The following GGNBP2 variants were observed in gnomAD, a reference collection of about 807,000 sequenced individuals.
GGNBP2 encodes gametogenetin-binding protein 2.
A neutral mutation model predicts 85.9 loss-of-function variants in GGNBP2; 10 were observed. The observed-to-expected ratio is 0.12, with a 90% CI of 0.07 to 0.20. The LOEUF (loss-of-function observed/expected upper bound fraction) is 0.20, where lower values mean the gene tolerates loss of function less well. GGNBP2 is among the 10% of genes least tolerant of loss of function. The pLI is 1.00. For synonymous variants in GGNBP2, 287 were observed against 285.7 expected (o/e 1.00, Z -0.05); for missense variants, 595 against 857.8 (o/e 0.69, Z 3.83).
chr17:36,550,580 ATT>A (rs2074299370), intron 2 of GGNBP2, among the ~76,000 whole-genome samples: 1 of 152,210 alleles, frequency 6.6e-6, no homozygotes, highest in African/African-American at 2.4e-5. Context: ...AACTTAGTAT[ATT>A]GTTGGTTAGA....
chr17:36,570,106 G>C (rs2074508234), intron 6 of GGNBP2, among the ~76,000 whole-genome samples: 1 of 152,128 alleles, frequency 6.6e-6, no homozygotes, highest in Non-Finnish European at 1.5e-5. Context: ...GGCTGGGCAT[G>C]GTGGCTCACA....
intron 4 of GGNBP2, among the ~76,000 whole-genome samples, chr17:36,558,694 G>C (rs147911432): frequency 6.6e-6 from 1 of 151,466 alleles, no homozygotes; most frequent in East Asian, 2.0e-4. Flanking sequence ...GACCTCAGGC[G>C]ATCTGCCCGC....
chr17:36,586,898 C>A, intron 12 of GGNBP2, 99 bp from the exon 13 acceptor site: 1 of 1,199,066 alleles, frequency 8.3e-7, no homozygotes, highest in South Asian at 1.6e-5. Context: ...AGATTGTAGG[C>A]ATGAGCCACC....
At chr17:36,575,764 A>G (rs2074575063) in intron 6 of GGNBP2, among the ~76,000 whole-genome samples, 1 of 148,534 alleles carries the variant, frequency 6.7e-6, no homozygotes, top group Admixed American at 6.7e-5. Context: ...CTCCTGCCTC[A>G]GCCTCCTGAG....
intron 2 of GGNBP2, chr17:36,546,935 CAATT>C (rs1229824964): frequency 1.3e-5 from 2 of 152,070 alleles, no homozygotes; most frequent in East Asian, 1.9e-4. Flanking sequence ...TTGCCAGTCT[CAATT>C]AAGACTTGAT....
chr17:36,546,345 T>C (rs1018478906), intron 2 of GGNBP2: 1 of 178,280 alleles, frequency 5.6e-6, no homozygotes, highest in Non-Finnish European at 1.2e-5. Context: ...GTAAATAGTC[T>C]CGTATTGCCT....
intron 6 of GGNBP2, among the ~76,000 whole-genome samples, chr17:36,572,011 A>G (rs2074530195): frequency 6.6e-6 from 1 of 151,952 alleles, no homozygotes; most frequent in Non-Finnish European, 1.5e-5. Flanking sequence ...TGATCATGCC[A>G]CTGCACTTCA....
intron 2 of GGNBP2, chr17:36,546,956 G>A (rs1567814581): frequency 6.6e-6 from 1 of 152,136 alleles, no homozygotes; most frequent in Non-Finnish European, 1.5e-5. Flanking sequence ...TGATTGAGCT[G>A]CAGTACTTTA....
intron 5 of GGNBP2, among the ~76,000 whole-genome samples, chr17:36,564,641 A>G (rs550431831): frequency 6.6e-6 from 1 of 152,342 alleles, no homozygotes; most frequent in Non-Finnish European, 1.5e-5. Flanking sequence ...CACATAGAAT[A>G]GCAGGCTAAG....
chr17:36,577,610 G>C (rs1416876620), intron 6 of GGNBP2: 2 of 272,880 alleles, frequency 7.3e-6, no homozygotes, highest in African/African-American at 2.3e-5. Flanking sequence ...CCAATCAAGA[G>C]TCATTGGTTT....
Position 36,557,220 on chromosome 17 carries a change from A to G in GGNBP2, c.312A>G (p.Val104=), listed in dbSNP as rs544114318. ...RSVERLFSQL[V]ESGNPALEPL... is the part of the protein sequence containing the mutation. Reference sequence around the variant, plus strand: ...TGGAGCGTCTCTTTTCCCAGCTTGTAGAGTCTGGAAATCCTGCTCTTGAAC... The same window carrying G: ...TGGAGCGTCTCTTTTCCCAGCTTGTGGAGTCTGGAAATCCTGCTCTTGAAC... Residue 104 remains valine (V), a synonymous_variant, in exon 4 of 14, where the codon GTA becomes GTG. Transcript: ENST00000613102. 6.2e-7 allele frequency: 1 copy of G among 1,614,070 alleles called. No homozygotes were observed. Among genetic ancestry groups the G allele is most frequent in the East Asian group, 2.2e-5 (1 of 44,872 alleles).
chr17:36,557,000 A>G (rs2074368588), intron 3 of GGNBP2, 83 bp from the exon 4 acceptor site: 1 of 1,537,254 alleles, frequency 6.5e-7, no homozygotes, highest in East Asian at 2.2e-5. Flanking sequence ...ACTTTACTGC[A>G]CAAGGATAGG....
At chr17:36,588,019 CTGA>C (rs1158863002) in intron 13 of GGNBP2, among the ~76,000 whole-genome samples, 5 of 152,196 alleles carry the variant, frequency 3.3e-5, no homozygotes, top group African/African-American at 1.2e-4. Flanking sequence ...CTTTGCCTTT[CTGA>C]TTGGCAAGTT....
At chr17:36,587,463 T>C in intron 13 of GGNBP2, 3 of 570,598 alleles carry the variant, frequency 5.3e-6, no homozygotes, top group Non-Finnish European at 6.3e-6. Context: ...TCTGTCTCAG[T>C]AGAAGACATT....
chr17:36,560,960 C>CT, intron 5 of GGNBP2, 89 bp downstream of exon 5: 1 of 701,352 alleles, frequency 1.4e-6, no homozygotes, highest in South Asian at 2.0e-5. Flanking sequence ...CCACTGTTTG[C>CT]TTTAATTCAT....
chr17:36,564,003 C>T (rs578192384), intron 5 of GGNBP2, among the ~76,000 whole-genome samples: 4 of 152,334 alleles, frequency 2.6e-5, no homozygotes, highest in African/African-American at 9.6e-5. Context: ...CTTGGCCTCC[C>T]AAAGTGTTGG....
intron 2 of GGNBP2, among the ~76,000 whole-genome samples, chr17:36,553,470 G>T (rs2074330818): frequency 6.6e-6 from 1 of 152,158 alleles, no homozygotes; most frequent in Non-Finnish European, 1.5e-5. Flanking sequence ...CTCTAATATG[G>T]AAGGAAAGGA....
chr17:36,563,132 G>A (rs2074435974), intron 5 of GGNBP2, among the ~76,000 whole-genome samples: 1 of 151,892 alleles, frequency 6.6e-6, no homozygotes, highest in Non-Finnish European at 1.5e-5. Flanking sequence ...CAGGCGTGGT[G>A]GCAGGTGCTT....
chr17:36,561,146 C>T (rs1410714212), intron 5 of GGNBP2, among the ~76,000 whole-genome samples: 1 of 150,454 alleles, frequency 6.6e-6, no homozygotes, highest in African/African-American at 2.4e-5. Context: ...TTTTTTGAGA[C>T]GGAGTCTCCC....
Sources: gnomAD v4.1 joint callset for allele counts (sites outside exome capture counted in the v4.1 genomes callset) on GRCh38, gnomAD v4.1.1 for gene constraint, MANE v1.5 for transcripts, NCBI Gene and HGNC (gene_info 2026-07-23, HGNC 2026-07-21) for gene names.